The following SNX29 variants were observed in gnomAD, a reference collection of about 807,000 sequenced individuals.
SNX29 encodes the protein sorting nexin-29.
SNX29 carries 78 observed loss-of-function variants against 102.1 expected under a neutral mutation model. The ratio of observed to expected loss-of-function variants is 0.76; its 90% CI spans 0.64 to 0.92. The LOEUF is 0.92. Ranked by LOEUF, SNX29 falls within the 40% of genes least tolerant of loss-of-function variation. The pLI is 0.00. For synonymous variants in SNX29, 580 were observed against 414.5 expected, an observed-to-expected ratio of 1.40 and a Z score of -4.85; for missense variants, 1,280 against 1,061.7, an observed-to-expected ratio of 1.21 and a Z score of -2.86.
chr16:12,382,488 G>C (rs1441553176), intron 16 of SNX29, among the ~76,000 whole-genome samples: 1 of 152,192 alleles, frequency 6.6e-6, no homozygotes, highest in Non-Finnish European at 1.5e-5. Context: ...AGTAAAATGA[G>C]AATGATCATG....
chr16:12,562,971 T>TAGCAAAGGAAG (rs150844642), intron 20 of SNX29, among the ~76,000 whole-genome samples: 1 of 151,742 alleles, frequency 6.6e-6, no homozygotes, highest in East Asian at 1.9e-4. Context: ...ACACAAGGGG[T>TAGCAAAGGAAG]GAGGGCTGAT....
chr16:12,149,759 T>C (rs1350639826), intron 13 of SNX29, among the ~76,000 whole-genome samples: 1 of 152,164 alleles, frequency 6.6e-6, no homozygotes, highest in Non-Finnish European at 1.5e-5. Flanking sequence ...GGCTGCTGTC[T>C]GAGACACAGG....
At chr16:11,982,994 T>TA (rs1230111750) in intron 1 of SNX29, among the ~76,000 whole-genome samples, 2 of 151,822 alleles carry the variant, frequency 1.3e-5, no homozygotes, top group African/African-American at 2.4e-5. Flanking sequence ...GCAGTGCCAC[T>TA]ATCTTGGCTC....
chr16:12,061,102 C>T (rs190903069), intron 8 of SNX29, among the ~76,000 whole-genome samples: 141 of 152,306 alleles, frequency 9.3e-4, no homozygotes, highest in Non-Finnish European at 1.8e-3. Context: ...TGGGCTTCCT[C>T]CAGCTCCCCT....
intron 20 of SNX29, among the ~76,000 whole-genome samples, chr16:12,562,536 C>G (rs113254194): frequency 0.017 from 2,562 of 152,236 alleles, 33 homozygotes; most frequent in Non-Finnish European, 0.029. Flanking sequence ...AATGACACAG[C>G]CAGGAGTCAT....
intron 11 of SNX29, chr16:12,090,175 T>C (rs540191826): frequency 1.8e-4 from 28 of 153,232 alleles, no homozygotes; most frequent in Non-Finnish European, 3.4e-4. Flanking sequence ...TCTGGTCCCC[T>C]GTCCTCATTT....
chr16:12,066,750 G>A (rs2151291388), intron 9 of SNX29, among the ~76,000 whole-genome samples: 1 of 151,702 alleles, frequency 6.6e-6, no homozygotes, highest in South Asian at 2.1e-4. Flanking sequence ...GGGATGGTGG[G>A]GTGGGGGCTG....
At chr16:12,404,107 C>G (rs1205660571) in intron 18 of SNX29, among the ~76,000 whole-genome samples, 1 of 152,140 alleles carries the variant, frequency 6.6e-6, no homozygotes. Context: ...GGGTGTTTAC[C>G]TCACCTGACC....
intron 13 of SNX29, among the ~76,000 whole-genome samples, chr16:12,195,495 G>C (rs1165484343): frequency 3.3e-5 from 5 of 152,170 alleles, no homozygotes; most frequent in African/African-American, 1.2e-4. Context: ...GATGCCTAAG[G>C]GGGTTGGCAG....
intron 14 of SNX29, among the ~76,000 whole-genome samples, chr16:12,227,657 TGGCG>T (rs1254841755): frequency 3.3e-5 from 5 of 152,102 alleles, no homozygotes; most frequent in South Asian, 2.1e-4. Flanking sequence ...CCCAGCACTT[TGGCG>T]GGCTGAGACA....
intron 15 of SNX29, among the ~76,000 whole-genome samples, chr16:12,337,847 CTT>C (rs1261466704): frequency 6.6e-6 from 1 of 152,156 alleles, no homozygotes; most frequent in Admixed American, 6.5e-5. Flanking sequence ...GGACAGTCCT[CTT>C]TATGTCCTGG....
At chr16:11,981,259 C>T (rs149612237) in intron 1 of SNX29, among the ~76,000 whole-genome samples, 33 of 152,192 alleles carry the variant, frequency 2.2e-4, no homozygotes, top group African/African-American at 6.5e-4. Context: ...CATGAGCCAC[C>T]GCACCTGGCC....
At chr16:12,002,446 C>CAAAA (rs547796469) in intron 2 of SNX29, among the ~76,000 whole-genome samples, 1 of 88,450 alleles carries the variant, frequency 1.1e-5, no homozygotes, top group South Asian at 3.5e-4. Flanking sequence ...AACTCCATCT[C>CAAAA]AAAAAAAAAA....
chr16:12,278,205 T>C (rs911926509), intron 15 of SNX29, among the ~76,000 whole-genome samples, 169 bp downstream of exon 15: 2 of 152,192 alleles, frequency 1.3e-5, no homozygotes, highest in Non-Finnish European at 2.9e-5. Context: ...AAAAGAAGTA[T>C]GAGCTGATCC....
intron 13 of SNX29, among the ~76,000 whole-genome samples, chr16:12,197,058 C>T (rs999069705): frequency 6.6e-6 from 1 of 152,226 alleles, no homozygotes; most frequent in South Asian, 2.1e-4. Flanking sequence ...GGCCCGACGG[C>T]TGGCAGCAAA....
At chr16:12,392,262 T>C (rs1003627317) in intron 16 of SNX29, among the ~76,000 whole-genome samples, 9 of 152,228 alleles carry the variant, frequency 5.9e-5, no homozygotes, top group Non-Finnish European at 1.2e-4. Flanking sequence ...ACCATTTCAT[T>C]CCTTGTTTCC....
At chr16:12,067,148 G>C (rs963531884) in intron 9 of SNX29, among the ~76,000 whole-genome samples, 1 of 152,056 alleles carries the variant, frequency 6.6e-6, no homozygotes, top group Non-Finnish European at 1.5e-5. Flanking sequence ...TCGTGCCACT[G>C]CTCTCCAGCC....
At chr16:12,563,614 C>G (rs1010282719) in intron 20 of SNX29, among the ~76,000 whole-genome samples, 1 of 151,918 alleles carries the variant, frequency 6.6e-6, no homozygotes, top group Non-Finnish European at 1.5e-5. Context: ...CCACATCTCA[C>G]AGACGAGACT....
chr16:12,335,167 G>A (rs568766136), intron 15 of SNX29, among the ~76,000 whole-genome samples: 1 of 152,112 alleles, frequency 6.6e-6, no homozygotes, highest in African/African-American at 2.4e-5. Flanking sequence ...CTCCAGGAAG[G>A]TGGATCATCA....
Sources: gnomAD v4.1 joint callset for allele counts (sites outside exome capture counted in the v4.1 genomes callset) on GRCh38, gnomAD v4.1.1 for gene constraint, MANE v1.5 for transcripts, NCBI Gene and HGNC (gene_info 2026-07-23, HGNC 2026-07-21) for gene names.